SCFD2: variants seen among roughly 807,000 people sequenced by gnomAD.
The protein encoded by SCFD2 is sec1 family domain containing 2.
In SCFD2, 54 loss-of-function variants were observed where a neutral mutation model predicts 58.9. The ratio of observed to expected loss-of-function variants is 0.92; its 90% CI spans 0.74 to 1.15. SCFD2 has a LOEUF of 1.15. Among genes scored for constraint, SCFD2 ranks in the 50% most tolerant of loss-of-function variants. SCFD2 has a pLI of 0.00. For synonymous variants in SCFD2, 321 were observed against 335.9 expected (o/e 0.96, Z 0.49); for missense variants, 805 against 836.6 (o/e 0.96, Z 0.47).
intron 5 of SCFD2, among the ~76,000 whole-genome samples, chr4:53,067,611 T>A (rs1446944426): frequency 6.6e-6 from 1 of 152,000 alleles, no homozygotes; most frequent in Non-Finnish European, 1.5e-5. Flanking sequence ...TATAAGGGAC[T>A]TCCCCCTTCT....
At chr4:53,232,629 A>C (rs1400555152) in intron 4 of SCFD2, among the ~76,000 whole-genome samples, 1 of 152,218 alleles carries the variant, frequency 6.6e-6, no homozygotes, top group Non-Finnish European at 1.5e-5. Context: ...CTGCAACACA[A>C]TACTGCAAGT....
chr4:53,344,780 C>T (rs1577989939), intron 2 of SCFD2, among the ~76,000 whole-genome samples: 1 of 152,088 alleles, frequency 6.6e-6, no homozygotes, highest in South Asian at 2.1e-4. Context: ...GAACAGAGGC[C>T]TCAGAAGTAA....
chr4:53,066,021 A>T (rs1227309821), intron 5 of SCFD2, among the ~76,000 whole-genome samples: 1 of 152,136 alleles, frequency 6.6e-6, no homozygotes. Flanking sequence ...AAGACCAGAA[A>T]GAATATTCTG....
intron 4 of SCFD2, among the ~76,000 whole-genome samples, chr4:53,162,350 G>A (rs1726877287): frequency 6.6e-6 from 1 of 152,094 alleles, no homozygotes; most frequent in South Asian, 2.1e-4. Context: ...CCAAGCCTGT[G>A]CTAGAATCTG....
At chr4:52,909,373 C>T (rs1719428979) in intron 6 of SCFD2, among the ~76,000 whole-genome samples, 1 of 152,110 alleles carries the variant, frequency 6.6e-6, no homozygotes, top group Non-Finnish European at 1.5e-5. Context: ...AAGCTCTGTG[C>T]TTGTGTGGCA....
At chr4:53,144,342 A>C (rs1726257106) in intron 5 of SCFD2, among the ~76,000 whole-genome samples, 1 of 150,850 alleles carries the variant, frequency 6.6e-6, no homozygotes, top group African/African-American at 2.4e-5. Context: ...ATGTGTGTGT[A>C]TATGTAAGTA....
chr4:53,316,284 C>T (rs891822045), intron 2 of SCFD2, among the ~76,000 whole-genome samples: 1 of 152,200 alleles, frequency 6.6e-6, no homozygotes, highest in African/African-American at 2.4e-5. Context: ...CTTTGTTTTA[C>T]TCATTGCTAA....
At chr4:52,942,562 A>G (rs13147526) in intron 5 of SCFD2, among the ~76,000 whole-genome samples, 1,780 of 152,312 alleles carry the variant, frequency 0.012, 26 homozygotes, top group Non-Finnish European at 0.013. Flanking sequence ...TCTGGGCTTC[A>G]TAAATTCAAT....
chr4:53,237,687 A>G (rs1729688973), intron 4 of SCFD2, among the ~76,000 whole-genome samples: 2 of 113,128 alleles, frequency 1.8e-5, no homozygotes, highest in African/African-American at 3.4e-5. Flanking sequence ...CTGGCCGGGC[A>G]GAGGGGCTCC....
intron 3 of SCFD2, among the ~76,000 whole-genome samples, chr4:53,309,306 A>C (rs1214334236): frequency 6.6e-6 from 1 of 152,206 alleles, no homozygotes; most frequent in Non-Finnish European, 1.5e-5. Flanking sequence ...TCTTTTCCCA[A>C]ATGGTTGAAA....
At chr4:53,249,772 G>T (rs973922431) in intron 4 of SCFD2, among the ~76,000 whole-genome samples, 1 of 152,158 alleles carries the variant, frequency 6.6e-6, no homozygotes, top group Non-Finnish European at 1.5e-5. Flanking sequence ...TCACCACCAG[G>T]CCTGCCCTAA....
intron 4 of SCFD2, among the ~76,000 whole-genome samples, chr4:53,260,486 C>T (rs892149041): frequency 3.9e-5 from 6 of 152,252 alleles, no homozygotes; most frequent in African/African-American, 1.2e-4. Context: ...CTGAGATGAT[C>T]ATGTGATTTT....
intron 2 of SCFD2, among the ~76,000 whole-genome samples, chr4:53,338,641 C>T (rs1233311801): frequency 1.8e-5 from 2 of 112,976 alleles, no homozygotes; most frequent in African/African-American, 6.7e-5. Flanking sequence ...AGTGCAGTGG[C>T]GGGATCTCGG....
At chr4:53,057,012 G>A (rs901622647) in intron 5 of SCFD2, among the ~76,000 whole-genome samples, 5 of 152,110 alleles carry the variant, frequency 3.3e-5, no homozygotes, top group East Asian at 1.9e-4. Context: ...GTGAAACTCC[G>A]TCTCTAATAA....
At chr4:53,291,347 G>C (rs1263652905) in intron 3 of SCFD2, among the ~76,000 whole-genome samples, 1 of 152,004 alleles carries the variant, frequency 6.6e-6, no homozygotes, top group Non-Finnish European at 1.5e-5. Context: ...CAAGCAGAAA[G>C]CCAAATCATA....
chr4:52,933,304 C>T (rs574497418), intron 5 of SCFD2, among the ~76,000 whole-genome samples: 5 of 152,120 alleles, frequency 3.3e-5, no homozygotes, highest in Non-Finnish European at 7.3e-5. Context: ...CGGCCCGACC[C>T]CAGTCCAGAC....
At chr4:52,900,573 G>A (rs1719163241) in intron 7 of SCFD2, among the ~76,000 whole-genome samples, 1 of 152,190 alleles carries the variant, frequency 6.6e-6, no homozygotes, top group South Asian at 2.1e-4. Flanking sequence ...CTCCCAGTTA[G>A]GCTACTCGGG....
chr4:53,331,184 C>A (rs1445669190), intron 2 of SCFD2, among the ~76,000 whole-genome samples: 2 of 151,592 alleles, frequency 1.3e-5, no homozygotes, highest in Non-Finnish European at 2.9e-5. Flanking sequence ...TTAGACAGAT[C>A]AACGAGACAG....
At chr4:52,916,252 T>C (rs1478012714) in intron 6 of SCFD2, among the ~76,000 whole-genome samples, 3 of 152,212 alleles carry the variant, frequency 2.0e-5, no homozygotes, top group Non-Finnish European at 1.5e-5. Flanking sequence ...ACTGAGCATT[T>C]GCAGTAAGAA....
Sources: gnomAD v4.1 joint callset for allele counts (sites outside exome capture counted in the v4.1 genomes callset) on GRCh38, gnomAD v4.1.1 for gene constraint, MANE v1.5 for transcripts, NCBI Gene and HGNC (gene_info 2026-07-23, HGNC 2026-07-21) for gene names.